Variants in DSTYK observed in about 807,000 individuals in gnomAD.
DSTYK encodes the protein dual serine/threonine and tyrosine protein kinase.
Under a neutral mutation model 98.7 loss-of-function variants are expected in DSTYK, and 34 were observed. The ratio of observed to expected loss-of-function variants is 0.34; its 90% CI spans 0.26 to 0.46. The LOEUF (loss-of-function observed/expected upper bound fraction) is 0.46, where lower values mean the gene tolerates loss of function less well. Among genes scored for constraint, DSTYK ranks in the 20% least tolerant of loss-of-function variants. The pLI, the probability that DSTYK is intolerant of heterozygous loss-of-function variation, is 1.00. For synonymous variants in DSTYK, 462 were observed against 457.3 expected, an observed-to-expected ratio of 1.01 and a Z score of -0.13; for missense variants, 962 against 1,181.7, an observed-to-expected ratio of 0.81 and a Z score of 2.73.
At chr1:205,174,681 C>CAA (rs562580227) in intron 2 of DSTYK, among the ~76,000 whole-genome samples, 22 of 139,352 alleles carry the variant, frequency 1.6e-4, no homozygotes, top group African/African-American at 5.8e-4. Context: ...AGATACTGTC[C>CAA]AAAAAAAAAA....
intron 6 of DSTYK, 87 bp from the exon 7 acceptor site, chr1:205,161,474 T>A: frequency 7.5e-7 from 1 of 1,325,502 alleles, no homozygotes; most frequent in Admixed American, 2.3e-5. Flanking sequence ...AATATCTACT[T>A]CATATAGATA....
chr1:205,183,708 C>A (rs949609843), intron 2 of DSTYK, among the ~76,000 whole-genome samples: 1 of 152,202 alleles, frequency 6.6e-6, no homozygotes. Context: ...ACAAAAAGCT[C>A]ATTCTTGCTG....
rs1188039354 is a variant in DSTYK at position 205,211,396 on chromosome 1, T to C, written c.140A>G (p.Glu47Gly). Residue 47 changes from glutamate (E) to glycine (G), a missense_variant, in exon 1 of 13, where the codon GAG (glutamate) becomes GGG (glycine). Around this residue, in one of 4 missense-constraint regions of DSTYK, gnomAD observed 168 missense variants for 120.0 expected, o/e 1.40. Transcript: ENST00000367162. ...YLGRLRQNLR[E>G]TQKFFRDIKC... ...GATGTCGCGGAAGAACTTCTGGGTC[T>C]CGCGCAGGTTCTGTCGCAGCCGTCC... is the stretch of plus-strand genomic sequence containing the variant. 1.2e-6 allele frequency: 2 copies of C among 1,611,820 alleles called. No individual in the cohort carries two copies. Among genetic ancestry groups the C allele is most frequent in the African/African-American group, 1.3e-5 (1 of 74,936 alleles).
At chr1:205,191,999 C>CTGT (rs531251695) in intron 1 of DSTYK, among the ~76,000 whole-genome samples, 13 of 152,086 alleles carry the variant, frequency 8.5e-5, no homozygotes, top group African/African-American at 2.2e-4. Flanking sequence ...ACCAAGGCTT[C>CTGT]TGTTGTTGTT....
chr1:205,205,948 T>C (rs1659185892), intron 1 of DSTYK, among the ~76,000 whole-genome samples: 1 of 152,278 alleles, frequency 6.6e-6, no homozygotes, highest in Admixed American at 6.5e-5. Flanking sequence ...TCTGCTTTTT[T>C]ATGTACGTGT....
intron 9 of DSTYK, among the ~76,000 whole-genome samples, 196 bp downstream of exon 9, chr1:205,159,351 C>T (rs1321285856): frequency 1.3e-5 from 2 of 152,172 alleles, no homozygotes; most frequent in African/African-American, 2.4e-5. Flanking sequence ...GGCCTCCCCA[C>T]GTGCTGGGAT....
At chr1:205,194,351 C>T (rs1658799512) in intron 1 of DSTYK, among the ~76,000 whole-genome samples, 2 of 152,102 alleles carry the variant, frequency 1.3e-5, no homozygotes, top group South Asian at 4.1e-4. Flanking sequence ...TCTTAAGGTA[C>T]AGTCTATGTC....
intron 1 of DSTYK, among the ~76,000 whole-genome samples, chr1:205,196,366 G>A (rs896787508): frequency 6.6e-6 from 1 of 151,880 alleles, no homozygotes; most frequent in African/African-American, 2.4e-5. Context: ...AAACCAACCT[G>A]GGCAACATAG....
intron 1 of DSTYK, among the ~76,000 whole-genome samples, chr1:205,195,105 G>A (rs570329514): frequency 4.4e-4 from 65 of 146,726 alleles, no homozygotes; most frequent in African/African-American, 1.5e-3. Context: ...GAGATTACAG[G>A]TGTGAGCCAC....
intron 6 of DSTYK, 71 bp from the exon 7 acceptor site, chr1:205,161,458 G>A: frequency 6.9e-7 from 1 of 1,454,810 alleles, no homozygotes; most frequent in Non-Finnish European, 9.5e-7. Flanking sequence ...GTTATACAGG[G>A]ATAATAATAT....
At chr1:205,163,512 C>T (rs1421785896) in intron 4 of DSTYK, among the ~76,000 whole-genome samples, 1 of 152,234 alleles carries the variant, frequency 6.6e-6, no homozygotes, top group Non-Finnish European at 1.5e-5. Flanking sequence ...AGCCACTGTG[C>T]CTGGCCTATA....
intron 1 of DSTYK, among the ~76,000 whole-genome samples, chr1:205,201,147 C>T (rs993735121): frequency 3.9e-5 from 6 of 151,942 alleles, no homozygotes; most frequent in African/African-American, 1.5e-4. Context: ...TCATGTTATC[C>T]ACCCGCCTTG....
Position 205,195,011 on chromosome 1 carries a change from T to C in DSTYK, c.266-7205A>G, listed in dbSNP as rs530714453. ...CTAATTTTTTTTTTTTTTTTTTGTATAGACAGGATTTCACCATGTTGGCCA... is the reference window on the plus strand; with the variant it reads ...CTAATTTTTTTTTTTTTTTTTTGTACAGACAGGATTTCACCATGTTGGCCA... On this transcript the variant is annotated intron_variant, in intron 1 of 12. Coordinates refer to ENST00000367162, the MANE Select transcript of DSTYK (RefSeq NM_015375.3). Among the ~76,000 whole-genome samples the C allele has an allele frequency of 9.4e-4, 139 of 148,368 alleles. 1 individual carries two copies. The highest frequency in any genetic ancestry group is 3.3e-3 in the African/African-American group (132 of 40,298).
chr1:205,193,249 G>A (rs1658763851), intron 1 of DSTYK, among the ~76,000 whole-genome samples: 2 of 152,176 alleles, frequency 1.3e-5, no homozygotes, highest in South Asian at 4.1e-4. Flanking sequence ...GAAAAGAGAA[G>A]ATGGGAGGGA....
chr1:205,161,550 C>T (rs1218617515), intron 6 of DSTYK, among the ~76,000 whole-genome samples, 163 bp from the exon 7 acceptor site: 16 of 152,142 alleles, frequency 1.1e-4, no homozygotes, highest in Admixed American at 8.5e-4. Flanking sequence ...AGTAGACTCT[C>T]AATAAATAAT....
At position 205,147,550 on chromosome 1, in the gene DSTYK, C is replaced by A; in HGVS notation, c.*8G>T. ...TAACTAGAGAGTGAAAGAGAAAGGTCTTTGCTTTCAAGTAGAATCATCTAG... is the reference window on the plus strand; with the variant it reads ...TAACTAGAGAGTGAAAGAGAAAGGTATTTGCTTTCAAGTAGAATCATCTAG... On this transcript the variant is annotated 3_prime_UTR_variant, in exon 13 of 13. Coordinates refer to ENST00000367162, the MANE Select transcript of DSTYK (RefSeq NM_015375.3). 1 of 1,599,982 alleles carries A rather than the reference C, an allele frequency of 6.3e-7. No individual in the cohort carries two copies. Among genetic ancestry groups the A allele is most frequent in the South Asian group, 1.1e-5 (1 of 90,754 alleles).
At chr1:205,173,219 C>A (rs577179119) in intron 2 of DSTYK, 3 of 151,880 alleles carry the variant, frequency 2.0e-5, no homozygotes, top group Admixed American at 6.6e-5. Context: ...TATGGGGAGA[C>A]CCCGTCTCTA....
At position 205,211,304 on chromosome 1, in the gene DSTYK, C is replaced by A; in HGVS notation, c.232G>T (p.Ala78Ser). The change falls in exon 1 of 13, where the codon GCA becomes TCA. Residue 78 changes from alanine to serine, a missense_variant. Transcript: ENST00000367162. The part of the protein sequence containing the change: ...TGGGGAERGP[A>S]GDVAETGLQA... The stretch of plus-strand genomic sequence containing the variant: ...AGCCCGGTTTCGGCGACATCGCCTG[C>A]AGGGCCGCGCTCGGCCCCGCCGCCG... 6.2e-7 allele frequency: 1 copy of A among 1,609,442 alleles called. No homozygotes were observed. The highest frequency in any genetic ancestry group is 8.5e-7 in the Non-Finnish European group (1 of 1,178,368).
chr1:205,142,816 A>G lies in DSTYK; in HGVS notation c.*4742T>C, dbSNP rs1006131123. 6.6e-6 allele frequency: 1 copy of G among 152,244 alleles called. No homozygotes were observed. Among genetic ancestry groups the G allele is most frequent in the African/African-American group, 2.4e-5 (1 of 41,468 alleles). The allele number at this position is 152,244 out of a possible 1,614,324, so 9.4% of individuals were successfully genotyped here. On this transcript the variant is annotated 3_prime_UTR_variant, in exon 13 of 13. Coordinates refer to ENST00000367162, the MANE Select transcript of DSTYK (RefSeq NM_015375.3). The stretch of plus-strand genomic sequence containing the variant: ...ACTTTTATTTAACACTGTAATAAAC[A>G]TTAGTCCTTTAAAACAAAGAAAAAA...
Sources: gnomAD v4.1 joint callset for allele counts (sites outside exome capture counted in the v4.1 genomes callset) on GRCh38, gnomAD v4.1.1 for gene constraint, gnomAD v4.1.1 regional missense constraint, MANE v1.5 for transcripts, NCBI Gene and HGNC (gene_info 2026-07-23, HGNC 2026-07-21) for gene names.